APBB2: variants seen among roughly 807,000 people sequenced by gnomAD.
APBB2 encodes amyloid beta precursor protein binding family B member 2, also known as Fe65-like 1.
A neutral mutation model predicts 82.5 loss-of-function variants in APBB2; 38 were observed. The ratio of observed to expected loss-of-function variants is 0.46; its 90% confidence interval spans 0.36 to 0.60. The LOEUF (loss-of-function observed/expected upper bound fraction) is 0.60, where lower values mean the gene tolerates loss of function less well. Ranked by LOEUF, APBB2 falls within the 20% of genes least tolerant of loss-of-function variation. The pLI is 0.00. For missense variants in APBB2, 772 were observed against 972.3 expected, an observed-to-expected ratio of 0.79 and a Z score of 2.74; for synonymous variants, 341 against 368.2, an observed-to-expected ratio of 0.93 and a Z score of 0.85.
At chr4:40,858,958 G>C (rs2154333332) in intron 12 of APBB2, among the ~76,000 whole-genome samples, 1 of 152,342 alleles carries the variant, frequency 6.6e-6, no homozygotes. Context: ...AGCCAGAACA[G>C]ACAGCAGCAA....
At chr4:40,940,383 T>C (rs574437323) in intron 7 of APBB2, among the ~76,000 whole-genome samples, 1 of 152,320 alleles carries the variant, frequency 6.6e-6, no homozygotes, top group African/African-American at 2.4e-5. Context: ...TCCCATTCTG[T>C]GATCCCCAGA....
chr4:41,038,298 A>G (rs921745368), intron 4 of APBB2, among the ~76,000 whole-genome samples: 1 of 152,238 alleles, frequency 6.6e-6, no homozygotes, highest in African/African-American at 2.4e-5. Context: ...GTACCTTTAA[A>G]TAATTCTAAA....
intron 2 of APBB2, among the ~76,000 whole-genome samples, chr4:41,132,133 T>C (rs1299163249): frequency 6.6e-6 from 1 of 152,192 alleles, no homozygotes; most frequent in African/African-American, 2.4e-5. Flanking sequence ...AATGCCTTTC[T>C]TCTCCAGACT....
chr4:40,977,373 C>T (rs1487902406), intron 6 of APBB2, among the ~76,000 whole-genome samples: 1 of 150,650 alleles, frequency 6.6e-6, no homozygotes, highest in Non-Finnish European at 1.5e-5. Context: ...TGTGCACTGG[C>T]ATAATCTCAG....
chr4:40,954,413 T>A (rs1430412099), intron 6 of APBB2, among the ~76,000 whole-genome samples: 1 of 152,050 alleles, frequency 6.6e-6, no homozygotes, highest in Non-Finnish European at 1.5e-5. Flanking sequence ...CTTAATTAAT[T>A]CAACAAATGC....
intron 6 of APBB2, among the ~76,000 whole-genome samples, chr4:40,957,331 A>G (rs1317189411): frequency 2.6e-5 from 4 of 152,218 alleles, no homozygotes; most frequent in African/African-American, 9.6e-5. Context: ...TTTTTATTAA[A>G]AAGGTAATTT....
intron 3 of APBB2, among the ~76,000 whole-genome samples, chr4:41,072,124 A>G (rs1029975147): frequency 6.6e-6 from 1 of 152,234 alleles, no homozygotes; most frequent in Non-Finnish European, 1.5e-5. Flanking sequence ...CCAAGGGGAA[A>G]TCCAAGTTAC....
At chr4:41,124,312 G>T (rs1053689118) in intron 2 of APBB2, among the ~76,000 whole-genome samples, 1 of 152,046 alleles carries the variant, frequency 6.6e-6, no homozygotes, top group Non-Finnish European at 1.5e-5. Flanking sequence ...TCCGCCTCCC[G>T]CATTCACGCC....
intron 3 of APBB2, among the ~76,000 whole-genome samples, chr4:41,092,147 AGTCT>A (rs770444606): frequency 1.3e-5 from 2 of 152,242 alleles, no homozygotes; most frequent in Non-Finnish European, 2.9e-5. Context: ...GCACAACTAG[AGTCT>A]GTCTGCTGTT....
chr4:40,888,292 G>A (rs1009935788), intron 12 of APBB2, among the ~76,000 whole-genome samples: 1 of 152,210 alleles, frequency 6.6e-6, no homozygotes, highest in African/African-American at 2.4e-5. Flanking sequence ...GTCAACTGGA[G>A]TTTGAATCAT....
chr4:40,914,636 G>C (rs536205697), intron 10 of APBB2, among the ~76,000 whole-genome samples: 1 of 152,330 alleles, frequency 6.6e-6, no homozygotes, highest in South Asian at 2.1e-4. Context: ...GCTAGATACT[G>C]ATCAGGTGAT....
chr4:41,171,283 G>C (rs1410976502), intron 1 of APBB2, among the ~76,000 whole-genome samples: 2 of 152,158 alleles, frequency 1.3e-5, no homozygotes, highest in Non-Finnish European at 2.9e-5. Context: ...CCAGCCCCTG[G>C]ACTATAGTGA....
In APBB2 at chr4:40,890,503, C is replaced by A. The variant is rs375994986; in HGVS notation, c.1402-12G>T. ...TACATGTCTTTCCCCTGGGACACAACGAGAAAACACGCTGTCTTCTTCATG... is the reference window on the plus strand; with the variant it reads ...TACATGTCTTTCCCCTGGGACACAAAGAGAAAACACGCTGTCTTCTTCATG... On this transcript the variant is annotated splice_polypyrimidine_tract_variant and intron_variant, in intron 11 of 17. Transcript: ENST00000508593. The A allele has an allele frequency of 6.2e-7, 1 of 1,613,012 alleles. No homozygotes were observed. Among genetic ancestry groups the A allele is most frequent in the African/African-American group, 1.3e-5 (1 of 74,774 alleles).
intron 4 of APBB2, among the ~76,000 whole-genome samples, chr4:41,063,701 CAG>C (rs889151702): frequency 6.6e-6 from 1 of 152,060 alleles, no homozygotes; most frequent in African/African-American, 2.4e-5. Context: ...TTTTTTGAAA[CAG>C]AGTCTCGCTC....
chr4:41,070,688 GT>G (rs923429214), intron 3 of APBB2, among the ~76,000 whole-genome samples: 3 of 151,962 alleles, frequency 2.0e-5, no homozygotes, highest in Non-Finnish European at 2.9e-5. Context: ...GTGAGGAATA[GT>G]TTTTTTTATT....
intron 5 of APBB2, among the ~76,000 whole-genome samples, chr4:41,016,978 C>A (rs144519748): frequency 6.6e-6 from 1 of 152,160 alleles, no homozygotes; most frequent in African/African-American, 2.4e-5. Flanking sequence ...CTCACTGCAG[C>A]CTCAACCTCC....
chr4:40,929,025 T>C (rs568517996), intron 10 of APBB2, among the ~76,000 whole-genome samples: 1 of 151,060 alleles, frequency 6.6e-6, no homozygotes, highest in East Asian at 1.9e-4. Flanking sequence ...ATACAGTGTT[T>C]ATTAAAAATC....
intron 6 of APBB2, among the ~76,000 whole-genome samples, chr4:40,947,164 G>A (rs28440037): frequency 0.22 from 33,533 of 151,954 alleles, 3,896 homozygotes; most frequent in African/African-American, 0.29. Flanking sequence ...TTTTGTTTTC[G>A]GCATCTCAAC....
chr4:40,934,615 T>G lies in APBB2; in HGVS notation c.1192A>C (p.Arg398=). ...ATLRYASLKL[R]NAPHPDDDDS... is the part of the protein sequence containing the mutation. ...AGGTCGATCCTACTAATGTCCTACC[T>G]GAGTTTCAAAGATGCATAGCGTAGG... Residue 398 remains arginine (R), a splice_region_variant and synonymous_variant, in exon 9 of 18, where the codon AGA becomes CGA. Transcript: ENST00000508593. 2 of 1,613,682 alleles carry G rather than the reference T, an allele frequency of 1.2e-6. No individual in the cohort carries two copies. The highest frequency in any genetic ancestry group is 1.7e-6 in the Non-Finnish European group (2 of 1,179,540).
Sources: gnomAD v4.1 joint callset for allele counts (sites outside exome capture counted in the v4.1 genomes callset) on GRCh38, gnomAD v4.1.1 for gene constraint, MANE v1.5 for transcripts, NCBI Gene and HGNC (gene_info 2026-07-23, HGNC 2026-07-21) for gene names.